NUBPL: variants seen among roughly 807,000 people sequenced by gnomAD.
NUBPL encodes the protein NUBP iron-sulfur cluster assembly factor, mitochondrial, also known as iron-sulfur cluster transfer protein NUBPL.
NUBPL carries 31 observed loss-of-function variants against 45.7 expected under a neutral mutation model. That is an observed-to-expected ratio of 0.68 (90% CI 0.51 to 0.92). The LOEUF is 0.92. Ranked by LOEUF, NUBPL falls within the 40% of genes least tolerant of loss-of-function variation. The pLI is 0.00. For synonymous variants in NUBPL, 144 were observed against 140.9 expected (o/e 1.02, Z -0.15); for missense variants, 401 against 398.7 (o/e 1.01, Z -0.05).
chr14:31,789,707 T>A (rs1201463010), intron 7 of NUBPL, among the ~76,000 whole-genome samples: 4 of 152,132 alleles, frequency 2.6e-5, no homozygotes, highest in Non-Finnish European at 5.9e-5. Flanking sequence ...AAGTTTAGAA[T>A]CTAAGTTTTT....
intron 4 of NUBPL, among the ~76,000 whole-genome samples, chr14:31,657,324 C>G (rs948989796): frequency 6.6e-6 from 1 of 152,138 alleles, no homozygotes; most frequent in African/African-American, 2.4e-5. Flanking sequence ...TTTCAAATCT[C>G]TAGTGTAACT....
intron 4 of NUBPL, among the ~76,000 whole-genome samples, chr14:31,639,386 G>T (rs1254472699): frequency 6.6e-6 from 1 of 152,214 alleles, no homozygotes; most frequent in Non-Finnish European, 1.5e-5. Flanking sequence ...AGCGGTGGCT[G>T]CAGAACAGCG....
intron 3 of NUBPL, among the ~76,000 whole-genome samples, chr14:31,583,558 C>T (rs2139502476): frequency 6.6e-6 from 1 of 152,324 alleles, no homozygotes; most frequent in Non-Finnish European, 1.5e-5. Flanking sequence ...AGACTTCCCC[C>T]AGTGAGTAAT....
intron 6 of NUBPL, among the ~76,000 whole-genome samples, chr14:31,768,375 T>C (rs1451587603): frequency 6.6e-6 from 1 of 152,250 alleles, no homozygotes; most frequent in Non-Finnish European, 1.5e-5. Flanking sequence ...GAAATCTTTT[T>C]AGAAGCTTCT....
intron 3 of NUBPL, among the ~76,000 whole-genome samples, chr14:31,597,577 T>G (rs2034317655): frequency 6.6e-6 from 1 of 152,168 alleles, no homozygotes; most frequent in Non-Finnish European, 1.5e-5. Context: ...AAACATAAAC[T>G]TAAAAAGCTG....
chr14:31,599,479 C>T (rs930456783), intron 4 of NUBPL, 100 bp downstream of exon 4: 22 of 826,422 alleles, frequency 2.7e-5, no homozygotes, highest in Non-Finnish European at 4.4e-5. Context: ...ATTTTATGCA[C>T]AATGTAGTGT....
intron 4 of NUBPL, among the ~76,000 whole-genome samples, chr14:31,623,197 G>T (rs2035113093): frequency 6.6e-6 from 1 of 152,180 alleles, no homozygotes; most frequent in Non-Finnish European, 1.5e-5. Flanking sequence ...CTTTGTTTTG[G>T]CCAATTTCTC....
chr14:31,770,328 G>C (rs1400304803), intron 6 of NUBPL, among the ~76,000 whole-genome samples: 2 of 152,094 alleles, frequency 1.3e-5, no homozygotes, highest in Non-Finnish European at 2.9e-5. Context: ...CTAGGGAATG[G>C]GTGCCACTGA....
At chr14:31,705,138 A>C (rs2037419037) in intron 6 of NUBPL, among the ~76,000 whole-genome samples, 1 of 151,438 alleles carries the variant, frequency 6.6e-6, no homozygotes, top group South Asian at 2.1e-4. Flanking sequence ...ACAGTTCATA[A>C]AGGTGGCGCG....
chr14:31,809,918 T>A (rs2039767077), intron 7 of NUBPL, among the ~76,000 whole-genome samples: 1 of 152,232 alleles, frequency 6.6e-6, no homozygotes, highest in African/African-American at 2.4e-5. Flanking sequence ...TCCATGTAGT[T>A]GTGTAGTTTT....
intron 8 of NUBPL, among the ~76,000 whole-genome samples, chr14:31,833,239 T>C (rs2040221386): frequency 6.6e-6 from 1 of 152,030 alleles, no homozygotes; most frequent in South Asian, 2.1e-4. Flanking sequence ...TATGGTGGCA[T>C]GCAACTGTAG....
At chr14:31,639,604 C>G (rs1320970924) in intron 4 of NUBPL, among the ~76,000 whole-genome samples, 3 of 152,202 alleles carry the variant, frequency 2.0e-5, no homozygotes, top group Non-Finnish European at 4.4e-5. Flanking sequence ...AACCACTGCT[C>G]TCTTCAAAGA....
rs761737543 is a variant in NUBPL, at chr14:31,562,210, C to T, written c.251C>T (p.Thr84Ile). Residue 84 changes from threonine to isoleucine, a missense_variant, in exon 2 of 11, where the codon ACA becomes ATA. Thr to Ile is a moderately conservative substitution (Grantham distance 89). Transcript: ENST00000281081. ...AAGGGTGGAGTCGGAAAATCTACTA[C>T]AGCAGGTATTATAGGATATTAATTC... ...SGKGGVGKSTTAVNLALALAA... is the reference protein window; with the variant it reads ...SGKGGVGKSTIAVNLALALAA... 3.1e-6 allele frequency: 5 copies of T among 1,613,456 alleles called. 1 individual carries two copies. The Admixed American group carries it at 6.7e-5, about 22-fold the overall frequency.
intron 4 of NUBPL, among the ~76,000 whole-genome samples, chr14:31,643,049 T>A (rs1383125725): frequency 6.6e-6 from 1 of 152,162 alleles, no homozygotes; most frequent in East Asian, 1.9e-4. Context: ...CCTAACAGTT[T>A]TTTGGTGGAG....
chr14:31,595,885 G>A (rs1353829493), intron 3 of NUBPL, among the ~76,000 whole-genome samples: 1 of 148,322 alleles, frequency 6.7e-6, no homozygotes, highest in Non-Finnish European at 1.5e-5. Context: ...ATGCTTTGGT[G>A]TTTCTGTTAA....
At chr14:31,728,707 A>T (rs954283049) in intron 6 of NUBPL, among the ~76,000 whole-genome samples, 8 of 152,176 alleles carry the variant, frequency 5.3e-5, no homozygotes, top group African/African-American at 1.9e-4. Flanking sequence ...ATTATAGCTG[A>T]TACTTTTACA....
intron 6 of NUBPL, among the ~76,000 whole-genome samples, chr14:31,736,241 A>G (rs919592415): frequency 1.3e-5 from 2 of 152,202 alleles, no homozygotes; most frequent in African/African-American, 4.8e-5. Flanking sequence ...ACCCTAACTT[A>G]AGAAAACACT....
At chr14:31,748,384 G>C (rs894215939) in intron 6 of NUBPL, among the ~76,000 whole-genome samples, 15 of 152,226 alleles carry the variant, frequency 9.9e-5, no homozygotes, top group African/African-American at 3.4e-4. Flanking sequence ...TTTGTTCATT[G>C]CTGAGAATTG....
intron 7 of NUBPL, among the ~76,000 whole-genome samples, chr14:31,809,641 T>C (rs1177925025): frequency 1.3e-5 from 2 of 152,226 alleles, no homozygotes; most frequent in Non-Finnish European, 2.9e-5. Flanking sequence ...ATCTTAGTTA[T>C]TTCTTGCCTT....
Sources: allele counts gnomAD v4.1 joint callset (sites outside exome capture counted in the v4.1 genomes callset), GRCh38; gene constraint gnomAD v4.1.1; transcripts MANE v1.5; gene names NCBI Gene and HGNC (gene_info 2026-07-23, HGNC 2026-07-21).